The following USP9X variants were observed in gnomAD, a reference collection of about 807,000 sequenced individuals.
The protein encoded by USP9X is ubiquitin carboxyl-terminal hydrolase 9X.
Under a neutral mutation model 190.3 loss-of-function variants are expected in USP9X, and 7 were observed. The ratio of observed to expected loss-of-function variants is 0.04; its 90% CI spans 0.02 to 0.07. The LOEUF (loss-of-function observed/expected upper bound fraction) is 0.07. Ranked by LOEUF, USP9X falls within the 10% of genes least tolerant of loss-of-function variation. The probability of loss-of-function intolerance (pLI) is 1.00; values close to 1 mark genes in which losing one functional copy is unlikely to be tolerated. For synonymous variants in USP9X, 645 were observed against 659.5 expected, an observed-to-expected ratio of 0.98 and a Z score of 0.34; for missense variants, 1,010 against 1,916.9, an observed-to-expected ratio of 0.53 and a Z score of 8.83.
chrX:41,178,905 G>T (rs1020776192), intron 21 of USP9X, among the ~76,000 whole-genome samples: 1 of 111,709 alleles, frequency 9.0e-6, no homozygotes, highest in African/African-American at 3.3e-5. Flanking sequence ...AATAATAGGG[G>T]TTTAGTTTCA....
intron 24 of USP9X, among the ~76,000 whole-genome samples, chrX:41,187,373 G>A (rs760907287): frequency 9.8e-5 from 11 of 111,957 alleles, no homozygotes; most frequent in African/African-American, 3.2e-4. Context: ...GTGTTGTGTG[G>A]ATTAGTAGTT....
chrX:41,201,981 A>G (rs1241201470), intron 31 of USP9X, among the ~76,000 whole-genome samples: 4 of 112,594 alleles, frequency 3.6e-5, no homozygotes, highest in Non-Finnish European at 5.6e-5. Flanking sequence ...AAAAAAAAAA[A>G]GCAACAGTTA....
chrX:41,153,841 TGTTA>T (rs774205394), intron 14 of USP9X, among the ~76,000 whole-genome samples: 11 of 112,281 alleles, frequency 9.8e-5, no homozygotes, highest in Non-Finnish European at 1.9e-4. Flanking sequence ...GTATTACGAA[TGTTA>T]GTTATAGAGT....
chrX:41,097,240 A>G (rs1222837138), intron 1 of USP9X, among the ~76,000 whole-genome samples: 2 of 112,425 alleles, frequency 1.8e-5, no homozygotes, highest in East Asian at 5.5e-4. Context: ...AAAAAGTGAT[A>G]TAGCCTGCTA....
chrX:41,223,689 G>A (rs891850552), intron 39 of USP9X, among the ~76,000 whole-genome samples: 8 of 111,264 alleles, frequency 7.2e-5, no homozygotes, highest in African/African-American at 2.6e-4. Flanking sequence ...TGCCGTCCTC[G>A]GCCTCCCAAA....
intron 1 of USP9X, among the ~76,000 whole-genome samples, chrX:41,103,898 C>T (rs895763211): frequency 2.7e-5 from 3 of 111,185 alleles, no homozygotes; most frequent in African/African-American, 6.5e-5. Flanking sequence ...CTAAAAGGGT[C>T]GTTCATTTGT....
chrX:41,168,977 A>T (rs2062701709), intron 18 of USP9X, among the ~76,000 whole-genome samples: 1 of 111,639 alleles, frequency 9.0e-6, no homozygotes, highest in African/African-American at 3.3e-5. Context: ...ATTTTACTTT[A>T]AAAAAGGTAC....
At chrX:41,091,403 T>C (rs895387218) in intron 1 of USP9X, among the ~76,000 whole-genome samples, 2 of 112,148 alleles carry the variant, frequency 1.8e-5, no homozygotes, top group Admixed American at 9.5e-5. Context: ...CTTTGCTGTA[T>C]TGATGCTCTA....
At chrX:41,125,710 TCTCTCTCTCGCGCACGCGCGCGCG>T (rs1164676015) in intron 2 of USP9X, among the ~76,000 whole-genome samples, 2 of 101,769 alleles carry the variant, frequency 2.0e-5, no homozygotes, top group Non-Finnish European at 4.0e-5. Flanking sequence ...TCTCTCTCTC[TCTCTCTCTCGCGCACGCGCGCGCG>T]CTCTCTCTCT....
chrX:41,155,222 G>C lies in USP9X; in HGVS notation c.1897+2141G>C, dbSNP rs1349173848. ...GGAAAAACATTTCCTCAGTAAGCAT[G>C]ATCAGCTGATTTTACCTCCTATAAA... On this transcript the variant is annotated intron_variant, in intron 14 of 44. Transcript: ENST00000378308. 8.1e-5 allele frequency among the ~76,000 whole-genome samples: 9 copies of C among 111,532 alleles called. No homozygotes were observed. In the South Asian group the frequency reaches 1.9e-3, roughly 23 times the overall value.
intron 35 of USP9X, 90 bp downstream of exon 35, chrX:41,216,742 A>C: frequency 1.0e-6 from 1 of 1,000,058 alleles, no homozygotes; most frequent in Non-Finnish European, 1.3e-6. Context: ...TAATGTTTTC[A>C]CTTTAAATGA....
At chrX:41,188,735 ATCTG>A (rs1331668570) in intron 25 of USP9X, among the ~76,000 whole-genome samples, 10 of 112,043 alleles carry the variant, frequency 8.9e-5, no homozygotes, top group Non-Finnish European at 1.7e-4. Context: ...GTTCCATAGT[ATCTG>A]TCTGGCACAG....
chrX:41,120,734 A>G (rs776480824), intron 1 of USP9X, among the ~76,000 whole-genome samples: 223 of 110,112 alleles, frequency 2.0e-3, no homozygotes, highest in African/African-American at 6.9e-3. Flanking sequence ...TCCTGACCTC[A>G]TGATCCGCCC....
rs191780593 is a variant in USP9X, at chrX:41,140,693, T to C, written c.692T>C (p.Leu231Ser). The C allele has an allele frequency of 1.7e-6, 2 of 1,208,166 alleles. No homozygotes were observed. Among genetic ancestry groups the C allele is most frequent in the Admixed American group, 2.2e-5 (1 of 45,516 alleles). ...LVDLLNKFGT[L>S]NGFQILHDRF... is the part of the protein sequence containing the mutation. ...GATCTTCTCAACAAATTTGGCACTT[T>C]AAATGGGTTCCAGATTTTGCATGAT... Residue 231 changes from leucine (L) to serine (S), a missense_variant, in exon 7 of 45, where the codon TTA becomes TCA. This residue lies in a region of USP9X where 176 missense variants were observed against 247.5 expected (regional missense o/e 0.71). Coordinates refer to ENST00000378308, the MANE Select transcript of USP9X (RefSeq NM_001039591.3).
At chrX:41,156,293 C>CT (rs1258867810) in intron 14 of USP9X, among the ~76,000 whole-genome samples, 2 of 111,999 alleles carry the variant, frequency 1.8e-5, no homozygotes, top group Non-Finnish European at 3.8e-5. Context: ...TGTGTGGAAA[C>CT]TCTACTCCAG....
At chrX:41,211,904 G>A (rs1300914836) in intron 33 of USP9X, among the ~76,000 whole-genome samples, 586 of 70,210 alleles carry the variant, frequency 8.3e-3, no homozygotes, top group East Asian at 0.015. Context: ...CTGCCCGGCC[G>A]CCCCTACTGG....
Position 41,214,640 on chromosome X carries a change from G to A in USP9X, c.5262G>A (p.Leu1754=). 8.3e-7 allele frequency: 1 copy of A among 1,197,739 alleles called. No homozygotes were observed. The part of the protein sequence containing the change: ...IRNHQNLLDS[L]EQYVKGDLLE... ...ATCACCAAAATCTTCTTGATTCTTTGGAACAGTATGTCAAAGGAGATTTAC... is the reference window on the plus strand; with the variant it reads ...ATCACCAAAATCTTCTTGATTCTTTAGAACAGTATGTCAAAGGAGATTTAC... The change falls in exon 34 of 45, where the codon TTG becomes TTA. Residue 1754 remains leucine (L), a synonymous_variant. Transcript: ENST00000378308.
chrX:41,143,143 A>T, intron 9 of USP9X, 148 bp from the exon 10 acceptor site: 2 of 402,369 alleles, frequency 5.0e-6, no homozygotes, highest in Non-Finnish European at 7.8e-6. Flanking sequence ...ATAATTTTCC[A>T]TTAAAGCAAC....
intron 1 of USP9X, among the ~76,000 whole-genome samples, chrX:41,090,028 C>T (rs1350932184): frequency 9.8e-6 from 1 of 102,457 alleles, no homozygotes; most frequent in East Asian, 3.1e-4. Context: ...CCCTTAGTCT[C>T]CTGAGTAGCC....
Sources: allele counts gnomAD v4.1 joint callset (sites outside exome capture counted in the v4.1 genomes callset), GRCh38; gene constraint gnomAD v4.1.1; regional missense constraint gnomAD v4.1.1; transcripts MANE v1.5; gene names NCBI Gene and HGNC (gene_info 2026-07-23, HGNC 2026-07-21).